The following ABCA13 variants were observed in gnomAD, a reference collection of about 807,000 sequenced individuals.
ABCA13 encodes ATP-binding cassette sub-family A member 13.
A neutral mutation model predicts 478.7 loss-of-function variants in ABCA13; 476 were observed. The ratio of observed to expected loss-of-function variants is 0.99; its 90% CI spans 0.92 to 1.07. The LOEUF (loss-of-function observed/expected upper bound fraction) is 1.07. Among genes scored for constraint, ABCA13 ranks in the 50% least tolerant of loss-of-function variants. ABCA13 has a pLI of 0.00. For synonymous variants in ABCA13, 2,252 were observed against 2,158.9 expected, an observed-to-expected ratio of 1.04 and a Z score of -1.20; for missense variants, 6,060 against 5,910.6, an observed-to-expected ratio of 1.03 and a Z score of -0.83.
intron 55 of ABCA13, among the ~76,000 whole-genome samples, chr7:48,541,747 T>C (rs999389204): frequency 6.2e-5 from 9 of 145,930 alleles, no homozygotes; most frequent in African/African-American, 2.2e-4. Flanking sequence ...ATATCATGTA[T>C]ATAAATATCA....
intron 58 of ABCA13, among the ~76,000 whole-genome samples, chr7:48,597,044 T>A (rs959887018): frequency 1.3e-5 from 2 of 151,582 alleles, no homozygotes; most frequent in Non-Finnish European, 2.9e-5. Context: ...CTCCGCCTCC[T>A]GGGTTCACGC....
intron 19 of ABCA13, among the ~76,000 whole-genome samples, chr7:48,287,547 C>A (rs1447088365): frequency 6.6e-6 from 1 of 152,062 alleles, no homozygotes; most frequent in Non-Finnish European, 1.5e-5. Context: ...ATGGAGAAGA[C>A]CACACATAGA....
At chr7:48,440,870 A>G (rs12669314) in intron 42 of ABCA13, among the ~76,000 whole-genome samples, 45,191 of 151,936 alleles carry the variant, frequency 0.3, 6,790 homozygotes, top group East Asian at 0.38. Context: ...TATATGAAAA[A>G]GAGTGATGTT....
chr7:48,410,395 T>G (rs1818848089), intron 39 of ABCA13, 125 bp from the exon 40 acceptor site: 2 of 1,251,322 alleles, frequency 1.6e-6, no homozygotes, highest in African/African-American at 3.0e-5. Flanking sequence ...TTCAATTTTT[T>G]TCAGTTTGAA....
intron 27 of ABCA13, among the ~76,000 whole-genome samples, chr7:48,323,327 T>C (rs1246447685): frequency 6.6e-6 from 1 of 152,184 alleles, no homozygotes; most frequent in East Asian, 1.9e-4. Flanking sequence ...TTGAATAAGT[T>C]AAAGAATAAT....
At chr7:48,307,398 C>T (rs947016401) in intron 23 of ABCA13, among the ~76,000 whole-genome samples, 4 of 152,046 alleles carry the variant, frequency 2.6e-5, no homozygotes, top group African/African-American at 9.7e-5. Flanking sequence ...TTTTACTATA[C>T]CTGTTCTAAA....
intron 3 of ABCA13, among the ~76,000 whole-genome samples, chr7:48,206,221 T>C (rs7812051): frequency 0.38 from 58,407 of 152,232 alleles, 12,931 homozygotes; most frequent in Non-Finnish European, 0.5. Context: ...GACAATATTT[T>C]AGTCAACAAT....
At chr7:48,283,360 A>G (rs946464041) in intron 19 of ABCA13, among the ~76,000 whole-genome samples, 1 of 152,162 alleles carries the variant, frequency 6.6e-6, no homozygotes, top group Non-Finnish European at 1.5e-5. Flanking sequence ...CTTTGTATTG[A>G]TAAGTGCTAG....
At chr7:48,588,057 TTCTA>T (rs1326917428) in intron 57 of ABCA13, among the ~76,000 whole-genome samples, 3 of 152,170 alleles carry the variant, frequency 2.0e-5, no homozygotes, top group South Asian at 2.1e-4. Context: ...ATTCCTTTTT[TTCTA>T]TCTTTCTTCA....
chr7:48,504,401 C>T (rs562686078), intron 48 of ABCA13, among the ~76,000 whole-genome samples: 51 of 152,046 alleles, frequency 3.4e-4, no homozygotes, highest in African/African-American at 9.9e-4. Flanking sequence ...CCTGGCACTG[C>T]GAGGATGGAG....
chr7:48,365,135 G>A (rs1811473695), intron 31 of ABCA13, among the ~76,000 whole-genome samples: 1 of 151,842 alleles, frequency 6.6e-6, no homozygotes, highest in African/African-American at 2.4e-5. Flanking sequence ...CTCACTGTGG[G>A]TTTGATTTGC....
chr7:48,288,276 T>C (rs1046524012), intron 20 of ABCA13, among the ~76,000 whole-genome samples, 198 bp downstream of exon 20: 3 of 152,204 alleles, frequency 2.0e-5, no homozygotes, highest in African/African-American at 7.2e-5. Flanking sequence ...TGTGCTGGGT[T>C]GAGTGGCACT....
At chr7:48,252,310 A>G (rs562451506) in intron 15 of ABCA13, among the ~76,000 whole-genome samples, 1 of 152,202 alleles carries the variant, frequency 6.6e-6, no homozygotes, top group South Asian at 2.1e-4. Flanking sequence ...TTTTAGCTCC[A>G]GAATTTCTGT....
In ABCA13 at chr7:48,273,548, C is replaced by T. The variant is rs1442497542; in HGVS notation, c.3882C>T (p.Thr1294=). ...AAGTTTTCATTGAGTTTAGCAGTAC[C>T]TCAGAATATATAGTCAGAAATCTAG... is the stretch of plus-strand genomic sequence containing the variant. ...LLEVFIEFSS[T]SEYIVRNLDS... The change falls in exon 17 of 62, where the codon ACC becomes ACT. Residue 1294 remains threonine (T), a synonymous_variant. Transcript: ENST00000435803. 1.2e-5 allele frequency: 19 copies of T among 1,582,964 alleles called. No individual in the cohort carries two copies. Among genetic ancestry groups the T allele is most frequent in the East Asian group, 4.6e-5 (2 of 43,892 alleles).
intron 53 of ABCA13, among the ~76,000 whole-genome samples, chr7:48,523,686 A>C (rs1466803698): frequency 6.6e-6 from 1 of 152,136 alleles, no homozygotes; most frequent in East Asian, 1.9e-4. Context: ...AAGAAGATTA[A>C]AAAGTGAGCA....
At chr7:48,450,234 T>A (rs1159367836) in intron 42 of ABCA13, among the ~76,000 whole-genome samples, 1 of 152,258 alleles carries the variant, frequency 6.6e-6, no homozygotes, top group African/African-American at 2.4e-5. Flanking sequence ...ATTTCAGCAC[T>A]AGAATTCTGT....
At chr7:48,553,408 C>T (rs1170714528) in intron 55 of ABCA13, among the ~76,000 whole-genome samples, 1 of 151,892 alleles carries the variant, frequency 6.6e-6, no homozygotes, top group African/African-American at 2.4e-5. Flanking sequence ...TAGTGACTAC[C>T]AATTTACATT....
At chr7:48,593,185 AT>A (rs376202596) in intron 57 of ABCA13, among the ~76,000 whole-genome samples, 2,181 of 129,766 alleles carry the variant, frequency 0.017, 54 homozygotes, top group African/African-American at 0.057. Flanking sequence ...TAATTTGATA[AT>A]TTTTTTTTGT....
chr7:48,235,690 CT>C (rs1043531529), intron 8 of ABCA13, among the ~76,000 whole-genome samples: 4 of 152,080 alleles, frequency 2.6e-5, no homozygotes, highest in African/African-American at 4.8e-5. Flanking sequence ...AGGAAAAATT[CT>C]TTTTTTCTCT....
Sources: gnomAD v4.1 joint callset for allele counts (sites outside exome capture counted in the v4.1 genomes callset) on GRCh38, gnomAD v4.1.1 for gene constraint, MANE v1.5 for transcripts, NCBI Gene and HGNC (gene_info 2026-07-23, HGNC 2026-07-21) for gene names.